MRM1: variants seen among roughly 807,000 people sequenced by gnomAD.
MRM1 encodes rRNA methyltransferase 1, mitochondrial.
A neutral mutation model predicts 25.0 loss-of-function variants in MRM1; 24 were observed. The observed-to-expected ratio is 0.96, with a 90% confidence interval of 0.69 to 1.35. The LOEUF is 1.35. Ranked by LOEUF, MRM1 falls within the 40% of genes most tolerant of loss-of-function variation. The pLI is 0.00. For synonymous variants in MRM1, 188 were observed against 199.2 expected (o/e 0.94, Z 0.47); for missense variants, 431 against 464.1 (o/e 0.93, Z 0.65).
At position 36,602,683 on chromosome 17, in the gene MRM1, C is replaced by A; in HGVS notation, c.636+37C>A. On this transcript the variant is annotated intron_variant, in intron 2 of 4. Transcript: ENST00000614766. This position sits in a 1 kb window ranked among gnomAD's most constrained non-coding sequence, Gnocchi z 4.1. ...CAAGAGGGGAAGGAACAGATGTGAG[C>A]CCAGCTCAGCCTCTTCAAGGGGACG... is the stretch of plus-strand genomic sequence containing the variant. 1 of 1,605,874 alleles carries A rather than the reference C, an allele frequency of 6.2e-7. No individual in the cohort carries two copies.
At chr17:36,621,542 CTTGCACA>C in the MRM1 span, among the ~76,000 whole-genome samples, 1 of 152,186 alleles carries the variant, frequency 6.6e-6, no homozygotes, top group South Asian at 2.1e-4. Flanking sequence ...TGCTCACTTC[CTTGCACA>C]TTGCACCCAG....
the MRM1 span, among the ~76,000 whole-genome samples, chr17:36,620,793 C>T: frequency 6.6e-6 from 1 of 152,136 alleles, no homozygotes; most frequent in Non-Finnish European, 1.5e-5. Flanking sequence ...GCAGGAGATT[C>T]CCTTAAGTTG....
At position 36,602,729 on chromosome 17, in the gene MRM1, A is replaced by G; in HGVS notation, c.636+83A>G. ...GGACGAAGCTAGCCCCTGGCGAGGG[A>G]GAGAAAGGGGCATGTTGGCACCGCT... On this transcript the variant is annotated intron_variant, in intron 2 of 4. Transcript: ENST00000614766. This position sits in a 1 kb window ranked among gnomAD's most constrained non-coding sequence, Gnocchi z 4.1. The G allele has an allele frequency of 6.6e-7, 1 of 1,506,638 alleles. No individual in the cohort carries two copies. 93.3% of individuals were successfully genotyped at this position (1,506,638 alleles called of 1,614,324 possible). A position where few individuals can be genotyped will look rare whatever the true frequency, so the allele number is the denominator to read the frequency against.
At chr17:36,625,462 CTTTTTTTTTT>C in the MRM1 span, among the ~76,000 whole-genome samples, 1 of 102,002 alleles carries the variant, frequency 9.8e-6, no homozygotes, top group Non-Finnish European at 1.8e-5. Flanking sequence ...CCTCCTCCTC[CTTTTTTTTTT>C]TTTTTTTTTT....
At chr17:36,609,013 C>A (rs1023311094), downstream of MRM1, 1 of 152,370 alleles carries the variant, frequency 6.6e-6, no homozygotes, top group Non-Finnish European at 1.5e-5. Context: ...CCTCGCTCTT[C>A]GGTCCAGTCT....
At chr17:36,630,424 G>T in the MRM1 span, among the ~76,000 whole-genome samples, 8 of 152,142 alleles carry the variant, frequency 5.3e-5, no homozygotes, top group Non-Finnish European at 1.0e-4. Flanking sequence ...TCTTTGTCTC[G>T]TCCGTTGTCT....
chr17:36,602,291 G>T lies in MRM1; in HGVS notation c.481G>T (p.Ala161Ser), dbSNP rs773554294. The part of the protein sequence containing the change: ...DGIQDPRNFG[A>S]VLRSAHFLGV... ...GATCCAGGATCCCCGGAATTTTGGG[G>T]CTGTGCTGCGTTCCGCACACTTCCT... Residue 161 changes from alanine to serine, a missense_variant, in exon 1 of 5, where the codon GCT (alanine) becomes TCT (serine). Ala to Ser is a moderately conservative substitution (Grantham distance 99). Coordinates refer to ENST00000614766, the MANE Select transcript of MRM1 (RefSeq NM_024864.5). The surrounding 1 kb of genome is among the most constrained non-coding windows in gnomAD (Gnocchi z 4.1). 11 of 1,599,946 alleles carry T rather than the reference G, an allele frequency of 6.9e-6. No homozygotes were observed. The South Asian group carries it at 1.1e-4, about 16-fold the overall frequency.
chr17:36,602,309 C>A lies in MRM1; in HGVS notation c.499C>A (p.His167Asn). ...TTTTGGGGCTGTGCTGCGTTCCGCACACTTCCTCGGAGTGGATAAGGTCAT... is the reference window on the plus strand; with the variant it reads ...TTTTGGGGCTGTGCTGCGTTCCGCAAACTTCCTCGGAGTGGATAAGGTCAT... ...RNFGAVLRSA[H>N]FLGVDKVITS... is the part of the protein sequence containing the mutation. Residue 167 changes from histidine to asparagine, a missense_variant, in exon 1 of 5, where the codon CAC (histidine) becomes AAC (asparagine). Coordinates refer to ENST00000614766, the MANE Select transcript of MRM1 (RefSeq NM_024864.5). The surrounding 1 kb of genome is among the most constrained non-coding windows in gnomAD (Gnocchi z 4.1). 6.3e-7 allele frequency: 1 copy of A among 1,588,314 alleles called. No individual in the cohort carries two copies. The highest frequency in any genetic ancestry group is 8.6e-7 in the Non-Finnish European group (1 of 1,162,862).
At chr17:36,611,016 G>A (rs889987225), downstream of MRM1, among the ~76,000 whole-genome samples, 2 of 152,158 alleles carry the variant, frequency 1.3e-5, no homozygotes, top group African/African-American at 4.8e-5. Context: ...GTTTCTCCAT[G>A]TTGGCCAGGC....
At chr17:36,616,693 A>G in the MRM1 span, among the ~76,000 whole-genome samples, 1 of 152,126 alleles carries the variant, frequency 6.6e-6, no homozygotes. Context: ...ATGGGCTTAC[A>G]TGCCTCATCT....
At position 36,607,693 on chromosome 17, in the gene MRM1, C is replaced by G. The variant is rs369661119; in HGVS notation, c.660C>G (p.Leu220=). Residue 220 remains leucine, a synonymous_variant, in exon 3 of 5, where the codon CTC becomes CTG. Coordinates refer to ENST00000614766, the MANE Select transcript of MRM1 (RefSeq NM_024864.5). ...AGACCAAAGCCCAGCAGGGCTGGCT[C>G]GTGGCCGGCACGGTGGGCTGCCCAA... ...FLQTKAQQGW[L]VAGTVGCPST... 2.5e-5 allele frequency: 40 copies of G among 1,614,006 alleles called. No homozygotes were observed. The highest frequency in any genetic ancestry group is 3.1e-5 in the Non-Finnish European group (36 of 1,179,990).
chr17:36,631,998 G>A, the MRM1 span, among the ~76,000 whole-genome samples: 1 of 152,034 alleles, frequency 6.6e-6, no homozygotes, highest in African/African-American at 2.4e-5. Context: ...AACAACCCAG[G>A]GAAAAATAAC....
chr17:36,610,483 C>T (rs1328672341), downstream of MRM1, among the ~76,000 whole-genome samples: 2 of 152,202 alleles, frequency 1.3e-5, no homozygotes. Context: ...TCACCTGCCT[C>T]GGCCTCCCAA....
At position 36,602,647 on chromosome 17, in the gene MRM1, G is replaced by C; in HGVS notation, c.636+1G>C. The C allele has an allele frequency of 6.2e-7, 1 of 1,614,092 alleles. No homozygotes were observed. Among genetic ancestry groups the C allele is most frequent in the Non-Finnish European group, 8.5e-7 (1 of 1,179,946 alleles). On this transcript the variant is annotated splice_donor_variant, in intron 2 of 4. Coordinates refer to ENST00000614766, the MANE Select transcript of MRM1 (RefSeq NM_024864.5). LOFTEE classifies it high-confidence loss of function. This position sits in a 1 kb window ranked among gnomAD's most constrained non-coding sequence, Gnocchi z 4.1. ...TGATGACCTCACCGGATTTTTACAG[G>C]TAATGAGGGGCAAGAGGGGAAGGAA...
intron 2 of MRM1, among the ~76,000 whole-genome samples, chr17:36,606,414 A>ATTTT (rs35048409): frequency 1.7e-4 from 24 of 140,552 alleles, no homozygotes; most frequent in Admixed American, 1.7e-3. Flanking sequence ...CTGATGGATA[A>ATTTT]TTTTTTTTTT....
the MRM1 span, among the ~76,000 whole-genome samples, chr17:36,631,390 ACATGTGTG>A: frequency 1.3e-5 from 2 of 152,256 alleles, no homozygotes; most frequent in Non-Finnish European, 2.9e-5. Context: ...GTATTTGTGC[ACATGTGTG>A]CATGTGTGCA....
chr17:36,622,856 A>T, the MRM1 span, among the ~76,000 whole-genome samples: 1 of 152,232 alleles, frequency 6.6e-6, no homozygotes, highest in Non-Finnish European at 1.5e-5. Flanking sequence ...GACAAAAAAA[A>T]GTCACAGAAG....
At chr17:36,610,166 G>T (rs1370764491), downstream of MRM1, among the ~76,000 whole-genome samples, 1 of 151,612 alleles carries the variant, frequency 6.6e-6, no homozygotes, top group African/African-American at 2.4e-5. Context: ...GGCCTCAGGT[G>T]ATCTGCCCTC....
rs772530862 is a variant in MRM1 at position 36,602,378 on chromosome 17, T to A, written c.542+26T>A. On this transcript the variant is annotated intron_variant, in intron 1 of 4. Transcript: ENST00000614766. The surrounding 1 kb of genome is among the most constrained non-coding windows in gnomAD (Gnocchi z 4.1). ...GCACGGACGTCCCTCATTCTCTATG[T>A]GCCCCAACTTGGAGACGCAGCCGAG... 6.5e-7 allele frequency: 1 copy of A among 1,549,896 alleles called. No homozygotes were observed. The highest frequency in any genetic ancestry group is 1.4e-5 in the African/African-American group (1 of 73,130).
Sources: allele counts gnomAD v4.1 joint callset (sites outside exome capture counted in the v4.1 genomes callset), GRCh38; gene constraint gnomAD v4.1.1; non-coding constraint Gnocchi (gnomAD v3.1); transcripts MANE v1.5; gene names NCBI Gene and HGNC (gene_info 2026-07-23, HGNC 2026-07-21).